Variants in PCDHGA3 observed in about 807,000 individuals in gnomAD.
The protein encoded by PCDHGA3 is protocadherin gamma-A3.
Under a neutral mutation model 58.5 loss-of-function variants are expected in PCDHGA3, and 40 were observed. The observed-to-expected ratio is 0.68, with a 90% CI of 0.53 to 0.89. PCDHGA3 has a LOEUF of 0.89. Among genes scored for constraint, PCDHGA3 ranks in the 40% least tolerant of loss-of-function variants. The pLI is 0.00. For missense variants in PCDHGA3, 1,223 were observed against 1,195.9 expected (o/e 1.02, Z -0.33); for synonymous variants, 530 against 525.7 (o/e 1.01, Z -0.11).
chr5:141,375,842 C>T, intron 1 of PCDHGA3: 2 of 1,614,122 alleles, frequency 1.2e-6, no homozygotes, highest in East Asian at 4.5e-5. Flanking sequence ...GCCCGGCTAC[C>T]TGGTGACCAA....
intron 1 of PCDHGA3, among the ~76,000 whole-genome samples, chr5:141,460,914 A>G (rs62379191): frequency 4.9e-5 from 6 of 122,236 alleles, no homozygotes; most frequent in Non-Finnish European, 5.2e-5. Context: ...TCCATGGTGT[A>G]TATATATATA....
chr5:141,345,371 T>G lies in PCDHGA3; in HGVS notation c.1338T>G (p.Asn446Lys). 6.2e-7 allele frequency: 1 copy of G among 1,614,072 alleles called. No homozygotes were observed. Among genetic ancestry groups the G allele is most frequent in the Non-Finnish European group, 8.5e-7 (1 of 1,180,006 alleles). ...TCACCCTGCATGTGATTGACATCAA[T>G]GACAACCCACCCACCTTCCCTCATT... ...THITLHVIDI[N>K]DNPPTFPHLS... The change falls in exon 1 of 4, where the codon AAT becomes AAG. Residue 446 changes from asparagine (N) to lysine (K), a missense_variant. By Grantham distance (94) the Asn-to-Lys change is moderately conservative (BLOSUM62 0). Transcript: ENST00000253812.
intron 2 of PCDHGA3, among the ~76,000 whole-genome samples, chr5:141,497,501 C>T (rs1268186916): frequency 6.6e-6 from 1 of 151,182 alleles, no homozygotes; most frequent in Non-Finnish European, 1.5e-5. Flanking sequence ...TCTCTCCTCT[C>T]TCTGCTTCCT....
intron 1 of PCDHGA3, chr5:141,393,874 G>T (rs1226947734): frequency 1.2e-6 from 2 of 1,613,826 alleles, no homozygotes; most frequent in Non-Finnish European, 1.7e-6. Flanking sequence ...TCTTTGTTTA[G>T]CCCAGTGTTA....
At chr5:141,364,258 C>T (rs1763242096) in intron 1 of PCDHGA3, 2 of 1,497,150 alleles carry the variant, frequency 1.3e-6, no homozygotes, top group Non-Finnish European at 1.8e-6. Flanking sequence ...GAATATGTAC[C>T]CATCGGCTTT....
At chr5:141,447,976 C>T (rs774074042) in intron 1 of PCDHGA3, among the ~76,000 whole-genome samples, 18 of 151,938 alleles carry the variant, frequency 1.2e-4, no homozygotes, top group Non-Finnish European at 2.5e-4. Flanking sequence ...ATCCCAGCTA[C>T]TCGGGAGGCT....
At chr5:141,412,666 G>C (rs991501719) in intron 1 of PCDHGA3, 3 of 152,120 alleles carry the variant, frequency 2.0e-5, no homozygotes, top group African/African-American at 7.2e-5. Flanking sequence ...ACACTAATAT[G>C]ACCTAAAATA....
Position 141,486,672 on chromosome 5 carries a change from G to A in PCDHGA3, c.2425-8135G>A. The A allele has an allele frequency of 5.0e-6, 8 of 1,614,000 alleles. No homozygotes were observed. Among genetic ancestry groups the A allele is most frequent in the Non-Finnish European group, 5.9e-6 (7 of 1,180,028 alleles). On this transcript the variant is annotated intron_variant, in intron 1 of 3. Coordinates refer to ENST00000253812, the MANE Select transcript of PCDHGA3 (RefSeq NM_018916.4). This position sits in a 1 kb window ranked among gnomAD's most constrained non-coding sequence, Gnocchi z 5.0. Reference sequence around the variant, plus strand: ...TACTCACTCCTGGAGCCCAGGAATCGAGATGTATCAGCTTCCTCTTTCATC... The same window carrying A: ...TACTCACTCCTGGAGCCCAGGAATCAAGATGTATCAGCTTCCTCTTTCATC...
intron 1 of PCDHGA3, among the ~76,000 whole-genome samples, chr5:141,354,366 A>C (rs1006672709): frequency 2.0e-5 from 3 of 152,242 alleles, no homozygotes; most frequent in African/African-American, 7.2e-5. Flanking sequence ...TGTGAACAAG[A>C]TAGTCATATG....
At chr5:141,483,660 G>T (rs943362284) in intron 1 of PCDHGA3, among the ~76,000 whole-genome samples, 4 of 152,094 alleles carry the variant, frequency 2.6e-5, no homozygotes, top group Admixed American at 2.0e-4. Flanking sequence ...GTGTGTGTGT[G>T]TGTGTGTGTA....
At chr5:141,365,765 C>T (rs1446100014) in intron 1 of PCDHGA3, 3 of 1,613,848 alleles carry the variant, frequency 1.9e-6, no homozygotes, top group African/African-American at 1.3e-5. Context: ...AGCCCATGAC[C>T]CCGACAGCGG....
rs1297266733 is a variant in PCDHGA3 at position 141,366,482 on chromosome 5, C to T, written c.2424+20025C>T. 5 of 1,614,124 alleles carry T rather than the reference C, an allele frequency of 3.1e-6. No homozygotes were observed. In the African/African-American group the frequency reaches 6.7e-5, roughly 22 times the overall value. On this transcript the variant is annotated intron_variant, in intron 1 of 3. Coordinates refer to ENST00000253812, the MANE Select transcript of PCDHGA3 (RefSeq NM_018916.4). ...CGTGCTGCTGGTGCTCAGACTGAGG[C>T]GCTGGCACAAGTCACGCCTGCTTCA...
intron 1 of PCDHGA3, among the ~76,000 whole-genome samples, chr5:141,453,864 G>A (rs758778743): frequency 2.6e-5 from 4 of 152,192 alleles, no homozygotes; most frequent in Non-Finnish European, 5.9e-5. Context: ...GAAAATAACA[G>A]ATGAGCAAAA....
rs988237114 is a variant in PCDHGA3 at position 141,493,830 on chromosome 5, G to A, written c.2425-977G>A. On this transcript the variant is annotated intron_variant, in intron 1 of 3. Transcript: ENST00000253812. This position sits in a 1 kb window ranked among gnomAD's most constrained non-coding sequence, Gnocchi z 4.3. ...ATACTCACACTCTCTGCTTCTGGGA[G>A]CAAGTATGAGTATTAATTACCAGCC... 1.3e-5 allele frequency among the ~76,000 whole-genome samples: 2 copies of A among 152,218 alleles called. No individual in the cohort carries two copies. The highest frequency in any genetic ancestry group is 4.8e-5 in the African/African-American group (2 of 41,456).
At chr5:141,415,122 C>G (rs552568826) in intron 1 of PCDHGA3, 1 of 1,613,668 alleles carries the variant, frequency 6.2e-7, no homozygotes, top group Non-Finnish European at 8.5e-7. Context: ...TCGTAGTGGC[C>G]GTCCAGGACC....
At chr5:141,418,828 C>G in intron 1 of PCDHGA3, 1 of 1,613,978 alleles carries the variant, frequency 6.2e-7, no homozygotes, top group Non-Finnish European at 8.5e-7. Flanking sequence ...AAGCAAAAGA[C>G]CGAGGATCTC....
Position 141,489,948 on chromosome 5 carries a change from T to G in PCDHGA3, c.2425-4859T>G. The G allele has an allele frequency of 6.2e-7, 1 of 1,614,210 alleles. No homozygotes were observed. Among genetic ancestry groups the G allele is most frequent in the Non-Finnish European group, 8.5e-7 (1 of 1,180,030 alleles). ...TCTCTGTCATCGTGCTGGACATCAA[T>G]GATAATGCTCCAACCTTCCAATCCT... On this transcript the variant is annotated intron_variant, in intron 1 of 3. Transcript: ENST00000253812. The surrounding 1 kb of genome is among the most constrained non-coding windows in gnomAD (Gnocchi z 4.5).
At chr5:141,481,647 A>C (rs749515062) in intron 1 of PCDHGA3, among the ~76,000 whole-genome samples, 28 of 151,830 alleles carry the variant, frequency 1.8e-4, no homozygotes, top group African/African-American at 6.5e-4. Context: ...GTGAAACTTC[A>C]TCTCTACTAA....
intron 1 of PCDHGA3, chr5:141,387,690 C>A: frequency 1.2e-6 from 1 of 833,028 alleles, no homozygotes; most frequent in Non-Finnish European, 1.8e-6. Context: ...AGCCGCAGCG[C>A]GCTTTCCAGG....
Sources: allele counts gnomAD v4.1 joint callset (sites outside exome capture counted in the v4.1 genomes callset), GRCh38; gene constraint gnomAD v4.1.1; non-coding constraint Gnocchi (gnomAD v3.1); transcripts MANE v1.5; gene names NCBI Gene and HGNC (gene_info 2026-07-23, HGNC 2026-07-21).